WWC2: variants seen among roughly 807,000 people sequenced by gnomAD.
The protein encoded by WWC2 is protein WWC2.
A neutral mutation model predicts 138.5 loss-of-function variants in WWC2; 101 were observed. The observed-to-expected ratio is 0.73, with a 90% confidence interval of 0.62 to 0.86. WWC2 has a LOEUF of 0.86. Among genes scored for constraint, WWC2 ranks in the 40% least tolerant of loss-of-function variants. The pLI is 0.00. For synonymous variants in WWC2, 558 were observed against 538.4 expected, an observed-to-expected ratio of 1.04 and a Z score of -0.50; for missense variants, 1,420 against 1,419.4, an observed-to-expected ratio of 1.00 and a Z score of -0.01.
chr4:183,188,524 C>A (rs1734882743), intron 1 of WWC2, among the ~76,000 whole-genome samples: 1 of 152,140 alleles, frequency 6.6e-6, no homozygotes, highest in African/African-American at 2.4e-5. Context: ...AGGTATTAGC[C>A]ACTGCACGTG....
intron 1 of WWC2, among the ~76,000 whole-genome samples, chr4:183,192,961 TA>T (rs1048506387): frequency 1.3e-5 from 2 of 152,144 alleles, no homozygotes; most frequent in African/African-American, 4.8e-5. Flanking sequence ...GAAAGCGTCT[TA>T]AAGAAAAAAA....
In WWC2 at chr4:183,320,147, G is replaced by GTTGTAAGTTT; in HGVS notation, c.*4418_*4419insTTGTAAGTTT. 10 of 1,614,112 alleles carry GTTGTAAGTTT rather than the reference G, an allele frequency of 6.2e-6. No homozygotes were observed. The highest frequency in any genetic ancestry group is 6.8e-6 in the Non-Finnish European group (8 of 1,180,020). Reference sequence around the variant, plus strand: ...AGTGTGGCAGGTAGTTTGTAAGACAGGATAAAACCCATCCCAGCAAAGATA... The same window carrying GTTGTAAGTTT: ...AGTGTGGCAGGTAGTTTGTAAGACAGTTGTAAGTTTGATAAAACCCATCCCAGCAAAGATA... On this transcript the variant is annotated 3_prime_UTR_variant, in exon 23 of 23. Transcript: ENST00000403733.
At chr4:183,187,133 C>T (rs1049638002) in intron 1 of WWC2, among the ~76,000 whole-genome samples, 4 of 152,258 alleles carry the variant, frequency 2.6e-5, no homozygotes, top group African/African-American at 9.6e-5. Flanking sequence ...GCACCAAATC[C>T]TTTCCTTGTT....
chr4:183,179,803 C>A (rs543058711), intron 1 of WWC2, among the ~76,000 whole-genome samples: 5 of 152,254 alleles, frequency 3.3e-5, no homozygotes, highest in African/African-American at 9.6e-5. Flanking sequence ...AAGGAAACGT[C>A]TCTCTGGAAA....
At chr4:183,124,457 C>T (rs903148476) in intron 1 of WWC2, among the ~76,000 whole-genome samples, 1 of 150,894 alleles carries the variant, frequency 6.6e-6, no homozygotes, top group Non-Finnish European at 1.5e-5. Context: ...CTTATTGATA[C>T]AAATGACTCT....
At chr4:183,152,486 A>G (rs1733664889) in intron 1 of WWC2, among the ~76,000 whole-genome samples, 1 of 144,884 alleles carries the variant, frequency 6.9e-6, no homozygotes, top group African/African-American at 2.6e-5. Context: ...GCAACAGTGC[A>G]AGACCCTGCC....
chr4:183,193,847 G>A lies in WWC2; in HGVS notation c.241+139G>A, dbSNP rs959623993. The A allele has an allele frequency of 9.5e-6, 7 of 736,534 alleles. No individual in the cohort carries two copies. The African/African-American group carries it at 1.0e-4, about 11-fold the overall frequency. The allele number at this position is 736,534 out of a possible 1,614,324, so 45.6% of individuals were successfully genotyped here. A position where few individuals can be genotyped will look rare whatever the true frequency, so the allele number is the denominator to read the frequency against. On this transcript the variant is annotated intron_variant, in intron 2 of 22. Coordinates refer to ENST00000403733, the MANE Select transcript of WWC2 (RefSeq NM_024949.6). Reference sequence around the variant, plus strand: ...TTAGTGACTAATATTTAACTGAAGTGCCTGTCTTGGTATTTGGGGCATGTA... The same window carrying A: ...TTAGTGACTAATATTTAACTGAAGTACCTGTCTTGGTATTTGGGGCATGTA...
At chr4:183,136,814 C>G (rs1733129794) in intron 1 of WWC2, among the ~76,000 whole-genome samples, 3 of 152,056 alleles carry the variant, frequency 2.0e-5, no homozygotes, top group Admixed American at 6.6e-5. Flanking sequence ...CAGTGTGGCC[C>G]AGGGAAACCA....
intron 14 of WWC2, 133 bp from the exon 15 acceptor site, chr4:183,268,838 C>T: frequency 2.0e-6 from 2 of 1,008,980 alleles, no homozygotes; most frequent in Non-Finnish European, 2.9e-6. Context: ...CCCGTGATGG[C>T]AGCAACACTT....
At chr4:183,203,881 T>C (rs747339092) in intron 2 of WWC2, among the ~76,000 whole-genome samples, 10 of 152,172 alleles carry the variant, frequency 6.6e-5, no homozygotes, top group Non-Finnish European at 1.3e-4. Context: ...CACACAGTGT[T>C]ACTAAGAGCC....
At chr4:183,273,535 C>T (rs1737763406) in intron 16 of WWC2, among the ~76,000 whole-genome samples, 1 of 152,146 alleles carries the variant, frequency 6.6e-6, no homozygotes, top group Non-Finnish European at 1.5e-5. Flanking sequence ...AACTCCCGAC[C>T]TCAGGTGATC....
chr4:183,139,473 G>A (rs961958001), intron 1 of WWC2, among the ~76,000 whole-genome samples: 1 of 152,094 alleles, frequency 6.6e-6, no homozygotes, highest in Non-Finnish European at 1.5e-5. Context: ...TTCCATCTCA[G>A]TAAATGTCAA....
chr4:183,240,362 AAACG>A, intron 5 of WWC2, 100 bp downstream of exon 5: 3 of 907,326 alleles, frequency 3.3e-6, no homozygotes, highest in Non-Finnish European at 4.6e-6. Flanking sequence ...TTTCTTAAAG[AAACG>A]TAAAGTAAAA....
In WWC2 at chr4:183,317,661, G is replaced by T. The variant is rs1739486447; in HGVS notation, c.*1932G>T. On this transcript the variant is annotated 3_prime_UTR_variant, in exon 23 of 23. Transcript: ENST00000403733. Reference sequence around the variant, plus strand: ...TATTTTCTTCATTTATTTATTTACAGTCTTATTTATGTTCTGTTTAATATA... The same window carrying T: ...TATTTTCTTCATTTATTTATTTACATTCTTATTTATGTTCTGTTTAATATA... 1 of 152,504 alleles carries T rather than the reference G, an allele frequency of 6.6e-6. No individual in the cohort carries two copies. Among genetic ancestry groups the T allele is most frequent in the Non-Finnish European group, 1.5e-5 (1 of 68,014 alleles). The allele number at this position is 152,504 out of a possible 1,614,324, so 9.4% of individuals were successfully genotyped here.
At chr4:183,232,439 C>G (rs538958836) in intron 4 of WWC2, among the ~76,000 whole-genome samples, 6 of 152,158 alleles carry the variant, frequency 3.9e-5, no homozygotes, top group Admixed American at 1.3e-4. Flanking sequence ...CCTCCCTCCT[C>G]CATCCTCTGA....
chr4:183,308,762 A>G (rs1739107470), intron 21 of WWC2, among the ~76,000 whole-genome samples: 1 of 152,216 alleles, frequency 6.6e-6, no homozygotes, highest in South Asian at 2.1e-4. Flanking sequence ...GCTATATTTA[A>G]TGACAGTAGT....
At chr4:183,245,225 T>TAAA (rs746541290) in intron 5 of WWC2, among the ~76,000 whole-genome samples, 191 bp from the exon 6 acceptor site, 42 of 69,494 alleles carry the variant, frequency 6.0e-4, no homozygotes, top group African/African-American at 1.4e-3. Context: ...AGACTCCATC[T>TAAA]AAAAAAAAAA....
intron 14 of WWC2, among the ~76,000 whole-genome samples, chr4:183,267,160 A>G (rs1483621472): frequency 2.0e-5 from 3 of 151,848 alleles, no homozygotes; most frequent in African/African-American, 4.8e-5. Flanking sequence ...CCCAGCCAAG[A>G]TAGTAGATTT....
At chr4:183,182,080 C>T (rs1430341618) in intron 1 of WWC2, among the ~76,000 whole-genome samples, 1 of 152,048 alleles carries the variant, frequency 6.6e-6, no homozygotes, top group Non-Finnish European at 1.5e-5. Flanking sequence ...TAGAGTGAAA[C>T]ACATCACATT....
Sources: allele counts gnomAD v4.1 joint callset (sites outside exome capture counted in the v4.1 genomes callset), GRCh38; gene constraint gnomAD v4.1.1; transcripts MANE v1.5; gene names NCBI Gene and HGNC (gene_info 2026-07-23, HGNC 2026-07-21).